The following DPP6 variants were observed in gnomAD, a reference collection of about 807,000 sequenced individuals.
The protein encoded by DPP6 is dipeptidyl peptidase like 6.
Under a neutral mutation model 122.6 loss-of-function variants are expected in DPP6, and 69 were observed. That is an observed-to-expected ratio of 0.56 (90% CI 0.46 to 0.69). The LOEUF is 0.69. DPP6 is among the 30% of genes least tolerant of loss of function. DPP6 has a pLI of 0.00. For missense variants in DPP6, 928 were observed against 1,116.9 expected, an observed-to-expected ratio of 0.83 and a Z score of 2.41; for synonymous variants, 418 against 433.1, an observed-to-expected ratio of 0.97 and a Z score of 0.43.
chr7:154,267,491 T>TAC lies in DPP6; in HGVS notation c.244-178713_244-178712dup, dbSNP rs537151747. Among the ~76,000 whole-genome samples, 82 of 150,556 alleles carry TAC rather than the reference T, an allele frequency of 5.4e-4. No individual in the cohort carries two copies. In the Middle Eastern group the frequency reaches 0.01, roughly 19 times the overall value. On this transcript the variant is annotated intron_variant, in intron 1 of 25. Transcript: ENST00000377770. ...TCTCTTATAAACACATACACATGTG[T>TAC]ACACACACACATATATGCACACATA... is the stretch of plus-strand genomic sequence containing the variant.
At chr7:154,359,511 A>G (rs546156968) in intron 1 of DPP6, among the ~76,000 whole-genome samples, 7 of 152,050 alleles carry the variant, frequency 4.6e-5, no homozygotes, top group Non-Finnish European at 8.8e-5. Flanking sequence ...CTTATTCTTT[A>G]TGGCACCATT....
intron 1 of DPP6, among the ~76,000 whole-genome samples, chr7:154,369,529 C>T (rs527766849): frequency 1.3e-4 from 20 of 152,242 alleles, no homozygotes; most frequent in East Asian, 3.9e-4. Context: ...CCACCACGCC[C>T]GGCTAATTTT....
At chr7:153,853,630 G>C in the DPP6 span, among the ~76,000 whole-genome samples, 1 of 152,166 alleles carries the variant, frequency 6.6e-6, no homozygotes, top group African/African-American at 2.4e-5. Context: ...TACGCCGTGA[G>C]ACAGTGCTGA....
intron 11 of DPP6, 127 bp downstream of exon 11, chr7:154,794,329 G>C: frequency 7.3e-7 from 1 of 1,371,316 alleles, no homozygotes; most frequent in Non-Finnish European, 9.5e-7. Context: ...CAGCTGCTGC[G>C]GGGAGCCCGC....
At chr7:154,398,815 C>A (rs960589658) in intron 1 of DPP6, among the ~76,000 whole-genome samples, 1 of 152,162 alleles carries the variant, frequency 6.6e-6, no homozygotes, top group Admixed American at 6.5e-5. Context: ...TTCTATCTAT[C>A]TCAGACGTTC....
At chr7:154,246,995 G>T (rs1325406791) in intron 1 of DPP6, among the ~76,000 whole-genome samples, 2 of 152,150 alleles carry the variant, frequency 1.3e-5, no homozygotes, top group Non-Finnish European at 2.9e-5. Flanking sequence ...AAAAATTTCT[G>T]CTCATCAAAA....
intron 1 of DPP6, among the ~76,000 whole-genome samples, chr7:153,960,183 C>G (rs1301187766): frequency 2.0e-5 from 3 of 152,076 alleles, no homozygotes; most frequent in Non-Finnish European, 4.4e-5. Context: ...GTGGCCATTT[C>G]TTAAAATAAG....
the DPP6 span, among the ~76,000 whole-genome samples, chr7:153,836,788 A>G: frequency 2.0e-5 from 3 of 152,224 alleles, no homozygotes; most frequent in Admixed American, 6.5e-5. Context: ...TTTCATGCCC[A>G]TGATATATTA....
At chr7:153,860,252 A>G in the DPP6 span, among the ~76,000 whole-genome samples, 2 of 152,152 alleles carry the variant, frequency 1.3e-5, no homozygotes, top group Admixed American at 6.5e-5. Flanking sequence ...ACCTAGGGGA[A>G]TCTCCACCAT....
At chr7:154,731,339 C>G (rs552333469) in intron 8 of DPP6, among the ~76,000 whole-genome samples, 1 of 152,266 alleles carries the variant, frequency 6.6e-6, no homozygotes, top group South Asian at 2.1e-4. Flanking sequence ...AGAAAAATGC[C>G]TTATTGATTT....
chr7:154,848,993 G>T (rs1390354474), intron 16 of DPP6, among the ~76,000 whole-genome samples: 1 of 152,126 alleles, frequency 6.6e-6, no homozygotes, highest in East Asian at 1.9e-4. Context: ...TTATTTCTGG[G>T]CTCTCTATCC....
intron 3 of DPP6, among the ~76,000 whole-genome samples, chr7:154,502,853 G>A (rs1235517179): frequency 6.6e-6 from 1 of 152,164 alleles, no homozygotes; most frequent in Non-Finnish European, 1.5e-5. Context: ...TTGACAGGAT[G>A]TAAATAGCAG....
chr7:154,566,700 T>C, intron 4 of DPP6, 142 bp from the exon 5 acceptor site: 1 of 591,894 alleles, frequency 1.7e-6, no homozygotes, highest in Non-Finnish European at 2.9e-6. Context: ...TAGCTAAATA[T>C]TATTCAGCTA....
At chr7:154,656,504 G>T (rs970441550) in intron 6 of DPP6, among the ~76,000 whole-genome samples, 2 of 152,134 alleles carry the variant, frequency 1.3e-5, no homozygotes, top group Non-Finnish European at 2.9e-5. Flanking sequence ...CCAGCACGGG[G>T]AGGCCACGGA....
chr7:154,874,072 T>G (rs976940048), intron 19 of DPP6, among the ~76,000 whole-genome samples: 2 of 135,922 alleles, frequency 1.5e-5, no homozygotes, highest in Non-Finnish European at 3.2e-5. Context: ...TGTATGTGTA[T>G]ATACACATGC....
At position 154,087,924 on chromosome 7, in the gene DPP6, G is replaced by A. The variant is rs145401826; in HGVS notation, c.243+34861G>A. Among the ~76,000 whole-genome samples, 140 of 152,324 alleles carry A rather than the reference G, an allele frequency of 9.2e-4. No homozygotes were observed. The East Asian group carries it at 0.018, about 20-fold the overall frequency. On this transcript the variant is annotated intron_variant, in intron 1 of 25. Transcript: ENST00000377770. ...TCTACAAATGCCAAAAATGCACTTC[G>A]CACAGTGTTGGAAATTTCATCGGGT...
rs185001406 is a variant in DPP6, at chr7:154,532,630, T to C, written c.458-7902T>C. Among the ~76,000 whole-genome samples the C allele has an allele frequency of 3.5e-3, 533 of 152,060 alleles. 1 individual carries two copies. Among genetic ancestry groups the C allele is most frequent in the Middle Eastern group, 0.024 (7 of 294 alleles). On this transcript the variant is annotated intron_variant, in intron 3 of 25. Coordinates refer to ENST00000377770, the MANE Select transcript of DPP6 (RefSeq NM_130797.4). ...AGACACAAATGACCAATTCAGGAAATAAAGTAGGGAGATAAATGCAGATGC... is the reference window on the plus strand; with the variant it reads ...AGACACAAATGACCAATTCAGGAAACAAAGTAGGGAGATAAATGCAGATGC...
intron 1 of DPP6, among the ~76,000 whole-genome samples, chr7:153,974,277 A>G (rs1327482375): frequency 6.6e-6 from 1 of 152,148 alleles, no homozygotes; most frequent in African/African-American, 2.4e-5. Flanking sequence ...TGTGTGGCAG[A>G]TGCCCGGCAA....
At chr7:153,985,437 C>G (rs989851191) in intron 1 of DPP6, among the ~76,000 whole-genome samples, 2 of 152,208 alleles carry the variant, frequency 1.3e-5, no homozygotes, top group Non-Finnish European at 2.9e-5. Flanking sequence ...GAAATTCTGT[C>G]AAGGACTAAT....
Sources: gnomAD v4.1 joint callset for allele counts (sites outside exome capture counted in the v4.1 genomes callset) on GRCh38, gnomAD v4.1.1 for gene constraint, MANE v1.5 for transcripts, NCBI Gene and HGNC (gene_info 2026-07-23, HGNC 2026-07-21) for gene names.